Variants in ECPAS observed in about 807,000 individuals in gnomAD.
ECPAS encodes Ecm29 proteasome adaptor and scaffold.
In ECPAS, 70 loss-of-function variants were observed where a neutral mutation model predicts 255.1. The observed-to-expected ratio is 0.27, with a 90% CI of 0.23 to 0.33. The LOEUF is 0.33. ECPAS is among the 10% of genes least tolerant of loss of function. The probability of loss-of-function intolerance (pLI) is 1.00; values close to 1 mark genes in which losing one functional copy is unlikely to be tolerated. For synonymous variants in ECPAS, 784 were observed against 775.0 expected, an observed-to-expected ratio of 1.01 and a Z score of -0.19; for missense variants, 1,817 against 2,206.4, an observed-to-expected ratio of 0.82 and a Z score of 3.54.
chr9:111,410,124 G>T lies in ECPAS; in HGVS notation c.2467C>A (p.Pro823Thr), dbSNP rs373210325. 29 of 1,610,100 alleles carry T rather than the reference G, an allele frequency of 1.8e-5. No individual in the cohort carries two copies. Among genetic ancestry groups the T allele is most frequent in the Non-Finnish European group, 8.5e-7 (1 of 1,178,338 alleles). ...TTGGTAAAGCCAGATCCCTCACTGG[G>T]GATTGGAAGTGGACCATTTCTGCCA... Reference protein sequence around the residue: ...EIGRNGPLPIPSEGSGFTKLH... With the variant: ...EIGRNGPLPITSEGSGFTKLH... Residue 823 changes from proline (P) to threonine (T), a missense_variant, in exon 23 of 50, where the codon CCC (proline) becomes ACC (threonine). Pro to Thr is a conservative substitution (Grantham distance 38, BLOSUM62 -1). Transcript: ENST00000684092.
chr9:111,444,213 C>T (rs2098249793), intron 4 of ECPAS, among the ~76,000 whole-genome samples, 165 bp downstream of exon 4: 1 of 151,238 alleles, frequency 6.6e-6, no homozygotes. Context: ...TGGATTGGTA[C>T]TCAGTGGAAA....
At chr9:111,408,357 A>G (rs897930056) in intron 24 of ECPAS, among the ~76,000 whole-genome samples, 5 of 152,212 alleles carry the variant, frequency 3.3e-5, no homozygotes, top group African/African-American at 1.2e-4. Context: ...ACTTTGCTCA[A>G]AAATTTTAAG....
intron 2 of ECPAS, among the ~76,000 whole-genome samples, chr9:111,456,074 T>C (rs1024261252): frequency 6.6e-6 from 1 of 152,224 alleles, no homozygotes; most frequent in Admixed American, 6.5e-5. Flanking sequence ...ATCTGGAATT[T>C]TCTTTTGGTA....
At chr9:111,429,789 A>G (rs1272296533) in intron 9 of ECPAS, among the ~76,000 whole-genome samples, 2 of 152,250 alleles carry the variant, frequency 1.3e-5, no homozygotes, top group African/African-American at 2.4e-5. Flanking sequence ...GCACAGCTTA[A>G]GCCCAGAAGT....
At chr9:111,394,947 A>G (rs760744448) in intron 25 of ECPAS, among the ~76,000 whole-genome samples, 2 of 152,178 alleles carry the variant, frequency 1.3e-5, no homozygotes, top group Non-Finnish European at 2.9e-5. Context: ...CTCTTTTTTG[A>G]GCCCACTCCA....
At chr9:111,447,968 G>A (rs1048051614) in intron 3 of ECPAS, among the ~76,000 whole-genome samples, 2 of 151,984 alleles carry the variant, frequency 1.3e-5, no homozygotes, top group Non-Finnish European at 2.9e-5. Context: ...AGAGGGAAAG[G>A]ACAAACAGAC....
intron 1 of ECPAS, among the ~76,000 whole-genome samples, chr9:111,480,893 C>T (rs1011818960): frequency 1.3e-5 from 2 of 152,198 alleles, no homozygotes; most frequent in Admixed American, 1.3e-4. Context: ...TAACTATCAG[C>T]ATCTTAACCA....
chr9:111,384,135 T>C (rs897565544), intron 34 of ECPAS, among the ~76,000 whole-genome samples: 1 of 152,132 alleles, frequency 6.6e-6, no homozygotes, highest in African/African-American at 2.4e-5. Flanking sequence ...TCCTGATATA[T>C]CACAAAATCA....
Position 111,484,299 on chromosome 9 carries a change from C to A in ECPAS, c.-266G>T. 3 of 1,551,890 alleles carry A rather than the reference C, an allele frequency of 1.9e-6. No individual in the cohort carries two copies. Among genetic ancestry groups the A allele is most frequent in the South Asian group, 1.2e-5 (1 of 83,650 alleles). Reference sequence around the variant, plus strand: ...GGAAATCCTCGAGGCGGGGCCGGAGCGCCCTTTTCCGAGGTCTGCGGCTGT... The same window carrying A: ...GGAAATCCTCGAGGCGGGGCCGGAGAGCCCTTTTCCGAGGTCTGCGGCTGT... On this transcript the variant is annotated 5_prime_UTR_variant, in exon 1 of 50. Coordinates refer to ENST00000684092, the MANE Select transcript of ECPAS (RefSeq NM_001364929.1).
At chr9:111,399,983 A>G (rs1347268950) in intron 24 of ECPAS, among the ~76,000 whole-genome samples, 1 of 152,256 alleles carries the variant, frequency 6.6e-6, no homozygotes, top group African/African-American at 2.4e-5. Context: ...GTAACCCAGC[A>G]TGGTGCTAGC....
In ECPAS at chr9:111,384,545, G is replaced by C. The variant is rs929026225; in HGVS notation, c.3658C>G (p.Leu1220Val). The change falls in exon 34 of 50, where the codon CTA becomes GTA. Residue 1220 changes from leucine to valine, a missense_variant. This residue lies in a region of ECPAS where 960 missense variants were observed against 1,179.0 expected (regional missense o/e 0.81). Coordinates refer to ENST00000684092, the MANE Select transcript of ECPAS (RefSeq NM_001364929.1). ...ACCTTGCTCAGAGTTTTCAGAGCTAGTTCTGCCGCTTTTCGTACAGATTCC... is the reference window on the plus strand; with the variant it reads ...ACCTTGCTCAGAGTTTTCAGAGCTACTTCTGCCGCTTTTCGTACAGATTCC... ...IKESVRKAAE[L>V]ALKTLSKVCV... 1.9e-6 allele frequency: 3 copies of C among 1,613,880 alleles called. No homozygotes were observed. Among genetic ancestry groups the C allele is most frequent in the African/African-American group, 1.3e-5 (1 of 75,060 alleles).
Position 111,414,503 on chromosome 9 carries a change from G to A in ECPAS, c.1913C>T (p.Ser638Phe). 16 of 1,614,024 alleles carry A rather than the reference G, an allele frequency of 9.9e-6. No individual in the cohort carries two copies. The highest frequency in any genetic ancestry group is 1.4e-5 in the Non-Finnish European group (16 of 1,179,880). ...MSSGQMAPSS[S>F]NKSGETNPVQ... ...AGGGTTAGTCTCCCCACTCTTGTTAGATGATGAGGGTGCCATCTGCCCGCT... is the reference window on the plus strand; with the variant it reads ...AGGGTTAGTCTCCCCACTCTTGTTAAATGATGAGGGTGCCATCTGCCCGCT... Residue 638 changes from serine (S) to phenylalanine (F), a missense_variant, in exon 19 of 50, where the codon TCT (serine) becomes TTT (phenylalanine). This residue lies in a region of ECPAS where 573 missense variants were observed against 716.2 expected (regional missense o/e 0.80). Coordinates refer to ENST00000684092, the MANE Select transcript of ECPAS (RefSeq NM_001364929.1).
At chr9:111,442,893 A>C (rs1217423690) in intron 4 of ECPAS, among the ~76,000 whole-genome samples, 1 of 152,160 alleles carries the variant, frequency 6.6e-6, no homozygotes, top group East Asian at 1.9e-4. Context: ...CACTCCAGTA[A>C]CTCACCAATG....
rs534768921 is a variant in ECPAS, at chr9:111,394,356, T to G, written c.2777-51A>C. 204 of 1,423,498 alleles carry G rather than the reference T, an allele frequency of 1.4e-4. 3 individuals carry two copies. The East Asian group carries it at 4.9e-3, about 34-fold the overall frequency. 88.2% of individuals were successfully genotyped at this position (1,423,498 alleles called of 1,614,324 possible). A position where few individuals can be genotyped will look rare whatever the true frequency, so the allele number is the denominator to read the frequency against. On this transcript the variant is annotated intron_variant, in intron 25 of 49. Coordinates refer to ENST00000684092, the MANE Select transcript of ECPAS (RefSeq NM_001364929.1). ...AAAGAATTAAAATAACTCAACATAG[T>G]TTCCTGAAAAAATTAAATTCAAATC... is the stretch of plus-strand genomic sequence containing the variant.
At chr9:111,483,790 TGCCGCC>T (rs1047980449) in intron 1 of ECPAS, 6 of 190,310 alleles carry the variant, frequency 3.2e-5, no homozygotes, top group African/African-American at 4.8e-5. Flanking sequence ...CCGCTGCCGC[TGCCGCC>T]GCCGCCGTCT....
intron 42 of ECPAS, 37 bp from the exon 43 acceptor site, chr9:111,371,866 A>G: frequency 6.5e-7 from 1 of 1,541,922 alleles, no homozygotes; most frequent in South Asian, 1.1e-5. Flanking sequence ...TTAAGTGACA[A>G]GAAAAATTAA....
In ECPAS at chr9:111,466,629, A is replaced by T. The variant is rs867734835; in HGVS notation, c.22+6268T>A. ...TAAATAACTAAATACACACACACAC[A>T]CACACACACACACACACACACACAC... On this transcript the variant is annotated intron_variant, in intron 2 of 49. Coordinates refer to ENST00000684092, the MANE Select transcript of ECPAS (RefSeq NM_001364929.1). Among the ~76,000 whole-genome samples the T allele has an allele frequency of 8.3e-4, 125 of 150,626 alleles. 2 individuals carry two copies. In the Middle Eastern group the frequency reaches 0.024, roughly 29 times the overall value.
chr9:111,451,309 A>G, intron 3 of ECPAS, 116 bp downstream of exon 3: 1 of 1,029,956 alleles, frequency 9.7e-7, no homozygotes, highest in Non-Finnish European at 1.4e-6. Context: ...TCCATTTTGA[A>G]AGGCCATAAT....
At chr9:111,398,931 C>T (rs149315819) in intron 24 of ECPAS, among the ~76,000 whole-genome samples, 9,624 of 150,438 alleles carry the variant, frequency 0.064, 445 homozygotes, top group East Asian at 0.19. Context: ...AGTGAGACTC[C>T]GTCTCAAAAA....
Sources: gnomAD v4.1 joint callset for allele counts (sites outside exome capture counted in the v4.1 genomes callset) on GRCh38, gnomAD v4.1.1 for gene constraint, gnomAD v4.1.1 regional missense constraint, MANE v1.5 for transcripts, NCBI Gene and HGNC (gene_info 2026-07-23, HGNC 2026-07-21) for gene names.